The following DYRK3 variants were observed in gnomAD, a reference collection of about 807,000 sequenced individuals.
DYRK3 encodes the protein dual specificity tyrosine phosphorylation regulated kinase 3, also known as dual specificity tyrosine-phosphorylation-regulated kinase 3.
Under a neutral mutation model 40.8 loss-of-function variants are expected in DYRK3, and 30 were observed. The ratio of observed to expected loss-of-function variants is 0.74; its 90% CI spans 0.55 to 1.00. DYRK3 has a LOEUF of 1.00. Ranked by LOEUF, DYRK3 falls within the 50% of genes least tolerant of loss-of-function variation. The probability of loss-of-function intolerance (pLI) is 0.00; values close to 1 mark genes in which losing one functional copy is unlikely to be tolerated. For synonymous variants in DYRK3, 272 were observed against 260.7 expected, an observed-to-expected ratio of 1.04 and a Z score of -0.42; for missense variants, 699 against 731.5, an observed-to-expected ratio of 0.96 and a Z score of 0.51.
chr1:206,644,034 T>TTTTTTTTTTTTTTTTTC (rs1671375921), intron 2 of DYRK3, among the ~76,000 whole-genome samples: 1 of 139,328 alleles, frequency 7.2e-6, no homozygotes, highest in African/African-American at 2.7e-5. Context: ...CCTACAGCTT[T>TTTTTTTTTTTTTTTTTC]TTTTTTTTTT....
chr1:206,639,258 C>T (rs957102466), intron 2 of DYRK3, among the ~76,000 whole-genome samples: 1 of 152,060 alleles, frequency 6.6e-6, no homozygotes, highest in African/African-American at 2.4e-5. Context: ...ATTTTTCGTC[C>T]CCTTTTTGGA....
chr1:206,646,299 G>A (rs1426332055), intron 2 of DYRK3, among the ~76,000 whole-genome samples: 1 of 152,036 alleles, frequency 6.6e-6, no homozygotes, highest in Non-Finnish European at 1.5e-5. Context: ...TTTTACTTAG[G>A]TGTTTGGTTG....
intron 2 of DYRK3, among the ~76,000 whole-genome samples, chr1:206,644,031 C>CT (rs556718022): frequency 0.023 from 2,315 of 100,990 alleles, 172 homozygotes; most frequent in African/African-American, 0.068. Flanking sequence ...GGACCTACAG[C>CT]TTTTTTTTTT....
intron 1 of DYRK3, 179 bp downstream of exon 1, chr1:206,635,959 A>G: frequency 7.5e-7 from 1 of 1,332,602 alleles, no homozygotes; most frequent in Non-Finnish European, 9.6e-7. Flanking sequence ...CCCTCCCCCC[A>G]TCCCTGTCTC....
rs200512889 is a variant in DYRK3 at position 206,635,693 on chromosome 1, C to T, written c.-11C>T. ...TGGCGCCTCTCCCCGCGCGGGGTCC[C>T]GAGCTAGGAGATGGGAGGCACAGCT... is the stretch of plus-strand genomic sequence containing the variant. On this transcript the variant is annotated 5_prime_UTR_variant, in exon 1 of 3. Transcript: ENST00000367109. The T allele has an allele frequency of 2.3e-4, 284 of 1,246,038 alleles. 1 individual carries two copies. In the African/African-American group the frequency reaches 4.2e-3, roughly 18 times the overall value. 77.2% of individuals were successfully genotyped at this position (1,246,038 alleles called of 1,614,324 possible).
chr1:206,647,254 A>T, intron 2 of DYRK3, 134 bp from the exon 3 acceptor site: 1 of 906,478 alleles, frequency 1.1e-6, no homozygotes, highest in Non-Finnish European at 1.6e-6. Flanking sequence ...TGCTTTTCTT[A>T]TCTTCTTTTT....
chr1:206,648,491 A>G lies in DYRK3; in HGVS notation c.1293A>G (p.Lys431=). 1 of 1,614,048 alleles carries G rather than the reference A, an allele frequency of 6.2e-7. No individual in the cohort carries two copies. Residue 431 remains lysine (K), a synonymous_variant, in exon 3 of 3, where the codon AAA becomes AAG. Coordinates refer to ENST00000367109, the MANE Select transcript of DYRK3 (RefSeq NM_003582.4). Reference sequence around the variant, plus strand: ...AGCTTCTAGGGATGCCACCACCAAAACTTCTGGAGCAATCCAAACGTGCCA... The same window carrying G: ...AGCTTCTAGGGATGCCACCACCAAAGCTTCTGGAGCAATCCAAACGTGCCA... ...MMELLGMPPP[K]LLEQSKRAKY...
rs528294928 is a variant in DYRK3 at position 206,637,298 on chromosome 1, T to A, written c.78-352T>A. Reference sequence around the variant, plus strand: ...TTGAGAAACTATTACCTCTGTTAGTTTTTTCTGGTCTGTTTTTTTCTCTGT... The same window carrying A: ...TTGAGAAACTATTACCTCTGTTAGTATTTTCTGGTCTGTTTTTTTCTCTGT... On this transcript the variant is annotated intron_variant, in intron 1 of 2. Coordinates refer to ENST00000367109, the MANE Select transcript of DYRK3 (RefSeq NM_003582.4). Among the ~76,000 whole-genome samples the A allele has an allele frequency of 8.5e-5, 13 of 152,334 alleles. No homozygotes were observed. In the East Asian group the frequency reaches 2.5e-3, roughly 29 times the overall value.
rs782466407 is a variant in DYRK3 at position 206,648,719 on chromosome 1, C to T, written c.1521C>T (p.Pro507=). The change falls in exon 3 of 3, where the codon CCC becomes CCT. Residue 507 remains proline, a synonymous_variant. Coordinates refer to ENST00000367109, the MANE Select transcript of DYRK3 (RefSeq NM_003582.4). The part of the protein sequence containing the change: ...EFLKRCLHWD[P]SARLTPAQAL... ...TGAAAAGGTGTCTTCACTGGGACCC[C>T]TCTGCCCGCTTGACCCCAGCTCAAG... 2 of 1,613,984 alleles carry T rather than the reference C, an allele frequency of 1.2e-6. No homozygotes were observed. The highest frequency in any genetic ancestry group is 1.3e-5 in the African/African-American group (1 of 75,024).
At chr1:206,637,054 G>A (rs372207796) in intron 1 of DYRK3, 23 of 928,264 alleles carry the variant, frequency 2.5e-5, no homozygotes, top group African/African-American at 2.5e-4. Context: ...TTAGGTAGAT[G>A]TAAGTAGGTA....
At chr1:206,641,265 G>T (rs1263442540) in intron 2 of DYRK3, among the ~76,000 whole-genome samples, 2 of 152,050 alleles carry the variant, frequency 1.3e-5, no homozygotes, top group Non-Finnish European at 2.9e-5. Flanking sequence ...AAAGTCCATT[G>T]TATCATTCTT....
rs1671527026 is a variant in DYRK3, at chr1:206,648,334, A to C, written c.1136A>C (p.Glu379Ala). The C allele has an allele frequency of 6.2e-7, 1 of 1,614,148 alleles. No homozygotes were observed. Among genetic ancestry groups the C allele is most frequent in the Non-Finnish European group, 8.5e-7 (1 of 1,180,006 alleles). ...YIQSRFYRAP[E>A]IILGSRYSTP... The stretch of plus-strand genomic sequence containing the variant: ...CAGTCTCGGTTCTACAGAGCTCCAG[A>C]AATCATCTTAGGAAGCCGCTACAGC... The change falls in exon 3 of 3, where the codon GAA (glutamate) becomes GCA (alanine). Residue 379 changes from glutamate to alanine, a missense_variant. Physicochemically the swap from Glu to Ala is moderately radical, Grantham distance 107. Coordinates refer to ENST00000367109, the MANE Select transcript of DYRK3 (RefSeq NM_003582.4).
rs782383394 is a variant in DYRK3, at chr1:206,647,516, T to G, written c.318T>G (p.Ser106Arg). Residue 106 changes from serine to arginine, a missense_variant, in exon 3 of 3, where the codon AGT becomes AGG. Ser to Arg is a moderately radical substitution (Grantham distance 110). Coordinates refer to ENST00000367109, the MANE Select transcript of DYRK3 (RefSeq NM_003582.4). ...KSNTIQSDGI[S>R]DSEKCSPTVS... Reference sequence around the variant, plus strand: ...ATACTATTCAGTCAGATGGCATCAGTGACTCTGAAAAATGCTCTCCTACTG... The same window carrying G: ...ATACTATTCAGTCAGATGGCATCAGGGACTCTGAAAAATGCTCTCCTACTG... 2 of 1,614,182 alleles carry G rather than the reference T, an allele frequency of 1.2e-6. No individual in the cohort carries two copies. The highest frequency in any genetic ancestry group is 2.2e-5 in the East Asian group (1 of 44,888).
chr1:206,644,031 CTTTTTTTTTTTT>C (rs556718022), intron 2 of DYRK3, among the ~76,000 whole-genome samples: 1 of 101,050 alleles, frequency 9.9e-6, no homozygotes, highest in African/African-American at 3.8e-5. Flanking sequence ...GGACCTACAG[CTTTTTTTTTTTT>C]TTTTTTTTTG....
intron 2 of DYRK3, among the ~76,000 whole-genome samples, chr1:206,639,847 A>T (rs1671234447): frequency 6.6e-6 from 1 of 151,624 alleles, no homozygotes; most frequent in South Asian, 2.1e-4. Context: ...ATCAAAAATT[A>T]ATTTCTTACT....
At chr1:206,642,412 A>G (rs1553419473) in intron 2 of DYRK3, among the ~76,000 whole-genome samples, 1 of 152,192 alleles carries the variant, frequency 6.6e-6, no homozygotes, top group East Asian at 1.9e-4. Context: ...CATTTGACCC[A>G]GCCATCCCAT....
At position 206,652,287 on chromosome 1, in the gene DYRK3, T is replaced by C. The variant is rs1443338327; in HGVS notation, c.*3322T>C. On this transcript the variant is annotated 3_prime_UTR_variant, in exon 3 of 3. Coordinates refer to ENST00000367109, the MANE Select transcript of DYRK3 (RefSeq NM_003582.4). ...AAGAACTGCTCCTGTAAGCAAACTG[T>C]TAAAAGCATTACTACCCCATATGCA... Among the ~76,000 whole-genome samples the C allele has an allele frequency of 3.3e-5, 5 of 152,204 alleles. No individual in the cohort carries two copies. Among genetic ancestry groups the C allele is most frequent in the African/African-American group, 1.2e-4 (5 of 41,436 alleles).
chr1:206,651,921 T>C lies in DYRK3; in HGVS notation c.*2956T>C, dbSNP rs1267126181. Among the ~76,000 whole-genome samples the C allele has an allele frequency of 6.6e-6, 1 of 152,248 alleles. No homozygotes were observed. Among genetic ancestry groups the C allele is most frequent in the Non-Finnish European group, 1.5e-5 (1 of 68,044 alleles). ...GGTGCTGTCCAAGGCACATGTTTCCTTGGGATGTTTGGACAGAATGATCTG... is the reference window on the plus strand; with the variant it reads ...GGTGCTGTCCAAGGCACATGTTTCCCTGGGATGTTTGGACAGAATGATCTG... On this transcript the variant is annotated 3_prime_UTR_variant, in exon 3 of 3. Coordinates refer to ENST00000367109, the MANE Select transcript of DYRK3 (RefSeq NM_003582.4).
At position 206,648,998 on chromosome 1, in the gene DYRK3, T is replaced by C. The variant is rs782111789; in HGVS notation, c.*33T>C. 1 of 1,538,842 alleles carries C rather than the reference T, an allele frequency of 6.5e-7. No individual in the cohort carries two copies. The highest frequency in any genetic ancestry group is 8.8e-7 in the Non-Finnish European group (1 of 1,141,940). ...AGATATGCCCAGAGATGCATATGTGTATATTTTTATGATCTTACAAACCTG... is the reference window on the plus strand; with the variant it reads ...AGATATGCCCAGAGATGCATATGTGCATATTTTTATGATCTTACAAACCTG... On this transcript the variant is annotated 3_prime_UTR_variant, in exon 3 of 3. Transcript: ENST00000367109.
Sources: allele counts gnomAD v4.1 joint callset (sites outside exome capture counted in the v4.1 genomes callset), GRCh38; gene constraint gnomAD v4.1.1; transcripts MANE v1.5; gene names NCBI Gene and HGNC (gene_info 2026-07-23, HGNC 2026-07-21).